The following MCTP1 variants were observed in gnomAD, a reference collection of about 807,000 sequenced individuals.
The protein encoded by MCTP1 is multiple C2 and transmembrane domain containing 1.
MCTP1 carries 69 observed loss-of-function variants against 120.6 expected under a neutral mutation model. That is an observed-to-expected ratio of 0.57 (90% CI 0.47 to 0.70). The LOEUF is 0.70. Ranked by LOEUF, MCTP1 falls within the 30% of genes least tolerant of loss-of-function variation. MCTP1 has a pLI of 0.00. For missense variants in MCTP1, 1,203 were observed against 1,248.8 expected (o/e 0.96, Z 0.55); for synonymous variants, 529 against 493.1 (o/e 1.07, Z -0.96).
In MCTP1 at chr5:94,870,907, C is replaced by A. The variant is rs760351773; in HGVS notation, c.2206G>T (p.Val736Phe). The A allele has an allele frequency of 3.1e-6, 5 of 1,613,102 alleles. No individual in the cohort carries two copies. Among genetic ancestry groups the A allele is most frequent in the East Asian group, 2.2e-5 (1 of 44,836 alleles). The change falls in exon 15 of 23, where the codon GTC (valine) becomes TTC (phenylalanine). Residue 736 changes from valine to phenylalanine, a missense_variant. Physicochemically the swap from Val to Phe is conservative, Grantham distance 50. This residue lies in a region of MCTP1 where 740 missense variants were observed against 871.1 expected (regional missense o/e 0.85). Coordinates refer to ENST00000515393, the MANE Select transcript of MCTP1 (RefSeq NM_024717.7). ...NKQLTGPTKG[V>F]IYLEIDVIFN... ...ATCACATCTATTTCAAGATAGATGACCCCCTTTGTTGGCCCTGTCAGCTGC... is the reference window on the plus strand; with the variant it reads ...ATCACATCTATTTCAAGATAGATGAACCCCTTTGTTGGCCCTGTCAGCTGC...
chr5:94,983,385 G>C (rs575849107), intron 2 of MCTP1, among the ~76,000 whole-genome samples: 2 of 152,140 alleles, frequency 1.3e-5, no homozygotes, highest in Non-Finnish European at 2.9e-5. Flanking sequence ...CTATATTTAT[G>C]GTGTAGTTAG....
At chr5:94,912,772 A>G in intron 9 of MCTP1, 34 bp downstream of exon 9, 1 of 1,484,342 alleles carries the variant, frequency 6.7e-7, no homozygotes, top group Non-Finnish European at 9.0e-7. Flanking sequence ...ATGCCTTCCA[A>G]ATATTGACAG....
intron 1 of MCTP1, among the ~76,000 whole-genome samples, chr5:95,241,947 T>C (rs1441188187): frequency 3.9e-5 from 6 of 151,998 alleles, no homozygotes; most frequent in African/African-American, 7.2e-5. Context: ...TGAGTGAAAA[T>C]AGGCAAAGAA....
At chr5:95,262,423 T>C (rs1346099105) in intron 1 of MCTP1, among the ~76,000 whole-genome samples, 2 of 152,176 alleles carry the variant, frequency 1.3e-5, no homozygotes, top group Admixed American at 1.3e-4. Flanking sequence ...AGCATCATTA[T>C]TCTTAAGCAT....
intron 2 of MCTP1, among the ~76,000 whole-genome samples, chr5:94,960,584 A>G (rs1296478616): frequency 6.6e-6 from 1 of 152,142 alleles, no homozygotes; most frequent in African/African-American, 2.4e-5. Flanking sequence ...GAAAAAAACA[A>G]CCCCATCAAA....
intron 2 of MCTP1, among the ~76,000 whole-genome samples, chr5:95,004,941 A>G (rs187443875): frequency 6.6e-6 from 1 of 152,316 alleles, no homozygotes; most frequent in Non-Finnish European, 1.5e-5. Context: ...AGACCTATCA[A>G]CAGCTTGCAA....
chr5:95,046,424 A>G (rs1843156996), intron 1 of MCTP1, among the ~76,000 whole-genome samples: 1 of 152,158 alleles, frequency 6.6e-6, no homozygotes, highest in South Asian at 2.1e-4. Flanking sequence ...AAATGTTTCT[A>G]TTAACTTTTA....
In MCTP1 at chr5:95,235,886, T is replaced by C. The variant is rs1755489065; in HGVS notation, c.720+47970A>G. Among the ~76,000 whole-genome samples the C allele has an allele frequency of 3.9e-5, 6 of 152,194 alleles. No homozygotes were observed. In the South Asian group the frequency reaches 1.2e-3, roughly 31 times the overall value. ...CCTAGTTGAGCCTCCCTGAGCTACT[T>C]CTGACTACAGTACTGTGAAATAATA... On this transcript the variant is annotated intron_variant, in intron 1 of 22. Coordinates refer to ENST00000515393, the MANE Select transcript of MCTP1 (RefSeq NM_024717.7).
chr5:95,187,455 G>A (rs927198372), intron 1 of MCTP1, among the ~76,000 whole-genome samples: 3 of 152,046 alleles, frequency 2.0e-5, no homozygotes, highest in Non-Finnish European at 4.4e-5. Context: ...GATGGAGTGC[G>A]GTGGTGTGAC....
intron 2 of MCTP1, among the ~76,000 whole-genome samples, chr5:95,001,129 A>G (rs1169300602): frequency 6.6e-6 from 1 of 152,220 alleles, no homozygotes; most frequent in African/African-American, 2.4e-5. Flanking sequence ...GCCACCCTGC[A>G]AAGAGGCACC....
At chr5:95,222,238 C>T (rs891542686) in intron 1 of MCTP1, among the ~76,000 whole-genome samples, 13 of 152,166 alleles carry the variant, frequency 8.5e-5, no homozygotes, top group Non-Finnish European at 1.5e-5. Flanking sequence ...ACACTGCAGT[C>T]CATTGGCTAG....
At position 94,992,289 on chromosome 5, in the gene MCTP1, T is replaced by TGAG. The variant is rs201825492; in HGVS notation, c.838+25075_838+25077dup. 1.7e-4 allele frequency among the ~76,000 whole-genome samples: 25 copies of TGAG among 149,308 alleles called. 1 individual carries two copies. The East Asian group carries it at 2.2e-3, about 13-fold the overall frequency. On this transcript the variant is annotated intron_variant, in intron 2 of 22. Transcript: ENST00000515393. The stretch of plus-strand genomic sequence containing the variant: ...AATATGATGCTAAGTATAATAATGT[T>TGAG]GAGGATGATGATGATGATGATGATG...
At chr5:94,792,446 G>C (rs1009737211) in intron 18 of MCTP1, 9 of 152,300 alleles carry the variant, frequency 5.9e-5, no homozygotes, top group African/African-American at 2.2e-4. Context: ...GTGAATAGGA[G>C]TTAAAGCAGG....
At chr5:94,747,536 G>T (rs530523584) in intron 19 of MCTP1, among the ~76,000 whole-genome samples, 1 of 152,266 alleles carries the variant, frequency 6.6e-6, no homozygotes, top group Admixed American at 6.5e-5. Flanking sequence ...AGCAGCCGTA[G>T]ATAGTAAGAA....
At chr5:94,945,859 G>T (rs1818778504) in intron 3 of MCTP1, among the ~76,000 whole-genome samples, 2 of 152,326 alleles carry the variant, frequency 1.3e-5, no homozygotes, top group Middle Eastern at 3.4e-3. Context: ...TTCTGCAAGG[G>T]GGGAAGAGGA....
At chr5:95,177,879 G>A (rs1202845666) in intron 1 of MCTP1, among the ~76,000 whole-genome samples, 1 of 152,204 alleles carries the variant, frequency 6.6e-6, no homozygotes, top group Admixed American at 6.5e-5. Context: ...CCAAATTGTA[G>A]AGGTAAAATA....
chr5:95,238,161 G>A (rs989973863), intron 1 of MCTP1, among the ~76,000 whole-genome samples: 5 of 152,128 alleles, frequency 3.3e-5, no homozygotes, highest in African/African-American at 9.7e-5. Context: ...AAGAATTGAC[G>A]TTCCCATGCC....
intron 1 of MCTP1, among the ~76,000 whole-genome samples, chr5:95,270,563 G>A (rs997175697): frequency 9.6e-6 from 1 of 104,358 alleles, no homozygotes; most frequent in African/African-American, 4.1e-5. Flanking sequence ...CAACTGAGCA[G>A]AGAGAGGCCA....
At chr5:94,836,404 T>C in intron 17 of MCTP1, among the ~76,000 whole-genome samples, 1 of 152,084 alleles carries the variant, frequency 6.6e-6, no homozygotes, top group East Asian at 1.9e-4. Flanking sequence ...TGATACGGTA[T>C]TGTTAAGCGA....
Sources: gnomAD v4.1 joint callset for allele counts (sites outside exome capture counted in the v4.1 genomes callset) on GRCh38, gnomAD v4.1.1 for gene constraint, gnomAD v4.1.1 regional missense constraint, MANE v1.5 for transcripts, NCBI Gene and HGNC (gene_info 2026-07-23, HGNC 2026-07-21) for gene names.